The following ANGPT1 variants were observed in gnomAD, a reference collection of about 807,000 sequenced individuals.
ANGPT1 encodes angiopoietin-1.
A neutral mutation model predicts 62.2 loss-of-function variants in ANGPT1; 17 were observed. That is an observed-to-expected ratio of 0.27 (90% CI 0.19 to 0.41). ANGPT1 has a LOEUF of 0.41. Ranked by LOEUF, ANGPT1 falls within the 10% of genes least tolerant of loss-of-function variation. ANGPT1 has a pLI of 1.00. For synonymous variants in ANGPT1, 199 were observed against 198.9 expected, an observed-to-expected ratio of 1.00 and a Z score of 0.00; for missense variants, 478 against 594.9, an observed-to-expected ratio of 0.80 and a Z score of 2.04.
chr8:107,429,929 G>A (rs1217245125), intron 1 of ANGPT1, among the ~76,000 whole-genome samples: 1 of 119,568 alleles, frequency 8.4e-6, no homozygotes, highest in Non-Finnish European at 1.9e-5. Context: ...CACATAGTTG[G>A]GTCAATAAAT....
At chr8:107,372,058 T>C (rs34397043) in intron 1 of ANGPT1, among the ~76,000 whole-genome samples, 12,012 of 152,162 alleles carry the variant, frequency 0.079, 532 homozygotes, top group East Asian at 0.11. Flanking sequence ...TGTTGTATGA[T>C]ATTAGGAGTG....
chr8:107,401,999 C>T (rs540097388), intron 1 of ANGPT1, among the ~76,000 whole-genome samples: 25 of 152,188 alleles, frequency 1.6e-4, no homozygotes, highest in Non-Finnish European at 2.5e-4. Context: ...CTTCCATCCT[C>T]GCCACCTCCA....
intron 1 of ANGPT1, among the ~76,000 whole-genome samples, chr8:107,395,841 T>C (rs1230949604): frequency 6.6e-6 from 1 of 152,182 alleles, no homozygotes; most frequent in African/African-American, 2.4e-5. Context: ...AGATAGGATG[T>C]ACTTCTTCAT....
intron 7 of ANGPT1, among the ~76,000 whole-genome samples, chr8:107,276,943 C>T (rs988838741): frequency 3.9e-5 from 6 of 152,152 alleles, no homozygotes; most frequent in Admixed American, 2.6e-4. Flanking sequence ...CATGTGGAAT[C>T]TTTTCCAGAA....
chr8:107,271,290 A>T (rs1350297007), intron 7 of ANGPT1, among the ~76,000 whole-genome samples: 1 of 152,104 alleles, frequency 6.6e-6, no homozygotes, highest in East Asian at 1.9e-4. Flanking sequence ...AGATTAAATG[A>T]GGTGATACCC....
At chr8:107,382,254 G>T (rs1816652769) in intron 1 of ANGPT1, among the ~76,000 whole-genome samples, 1 of 152,090 alleles carries the variant, frequency 6.6e-6, no homozygotes, top group Admixed American at 6.6e-5. Context: ...TTTTGACACA[G>T]CATTTATAAA....
chr8:107,264,189 CAT>C (rs1358436716), intron 8 of ANGPT1, 30 bp downstream of exon 8: 3 of 1,596,958 alleles, frequency 1.9e-6, no homozygotes, highest in African/African-American at 2.7e-5. Flanking sequence ...ACCAATGAAA[CAT>C]AGCTTAGAGA....
chr8:107,279,747 A>G (rs887172559), intron 7 of ANGPT1, among the ~76,000 whole-genome samples: 4 of 68,432 alleles, frequency 5.8e-5, no homozygotes, highest in Non-Finnish European at 1.5e-4. Context: ...ACACACGTGT[A>G]CACACACACA....
intron 1 of ANGPT1, among the ~76,000 whole-genome samples, chr8:107,420,134 C>T (rs189730338): frequency 9.2e-5 from 14 of 152,180 alleles, no homozygotes; most frequent in African/African-American, 2.6e-4. Flanking sequence ...GCCTATGACT[C>T]CTACAAATTT....
chr8:107,460,290 G>C (rs1379271641), intron 1 of ANGPT1, among the ~76,000 whole-genome samples: 1 of 152,032 alleles, frequency 6.6e-6, no homozygotes, highest in Non-Finnish European at 1.5e-5. Flanking sequence ...TAAGGAGTAG[G>C]GATCAGCTAC....
At chr8:107,452,817 T>C (rs556489441) in intron 1 of ANGPT1, among the ~76,000 whole-genome samples, 6 of 152,194 alleles carry the variant, frequency 3.9e-5, no homozygotes, top group African/African-American at 1.4e-4. Context: ...AGATTAAATA[T>C]ATTTGACACA....
chr8:107,314,751 C>G (rs1289676210), intron 4 of ANGPT1, among the ~76,000 whole-genome samples: 1 of 152,072 alleles, frequency 6.6e-6, no homozygotes, highest in African/African-American at 2.4e-5. Flanking sequence ...CTCTTTCTAC[C>G]TAATCTTAAA....
chr8:107,319,815 C>T (rs1350064598), intron 4 of ANGPT1, among the ~76,000 whole-genome samples: 3 of 151,660 alleles, frequency 2.0e-5, no homozygotes, highest in Non-Finnish European at 4.4e-5. Flanking sequence ...CTTATGAGTT[C>T]TAAAAGTAAC....
At chr8:107,378,529 A>G (rs1041612441) in intron 1 of ANGPT1, among the ~76,000 whole-genome samples, 1 of 152,120 alleles carries the variant, frequency 6.6e-6, no homozygotes, top group African/African-American at 2.4e-5. Flanking sequence ...ACTATACTCT[A>G]TGTACACTGT....
chr8:107,468,292 A>T (rs1812258509), intron 1 of ANGPT1, among the ~76,000 whole-genome samples: 1 of 152,038 alleles, frequency 6.6e-6, no homozygotes, highest in Non-Finnish European at 1.5e-5. Flanking sequence ...ACACTGAGAA[A>T]TGGGGTACTT....
chr8:107,277,114 C>T (rs946989030), intron 7 of ANGPT1, among the ~76,000 whole-genome samples: 4 of 152,070 alleles, frequency 2.6e-5, no homozygotes, highest in Non-Finnish European at 5.9e-5. Context: ...AAATGTTAAA[C>T]ATTATCATTC....
intron 4 of ANGPT1, among the ~76,000 whole-genome samples, chr8:107,309,253 G>T (rs1291271727): frequency 6.6e-6 from 1 of 152,136 alleles, no homozygotes; most frequent in Non-Finnish European, 1.5e-5. Context: ...TGTGGATCAG[G>T]TTATTTGTTC....
chr8:107,488,384 C>A (rs1450006608), intron 1 of ANGPT1, among the ~76,000 whole-genome samples: 1 of 152,122 alleles, frequency 6.6e-6, no homozygotes, highest in Non-Finnish European at 1.5e-5. Flanking sequence ...ATGGGATGCC[C>A]TGCGGAATGC....
chr8:107,321,420 A>C (rs1436951445), intron 4 of ANGPT1, among the ~76,000 whole-genome samples: 1 of 152,150 alleles, frequency 6.6e-6, no homozygotes, highest in Non-Finnish European at 1.5e-5. Flanking sequence ...TGTTTCAAAT[A>C]GTCTGTCTCC....
Sources: allele counts gnomAD v4.1 joint callset (sites outside exome capture counted in the v4.1 genomes callset), GRCh38; gene constraint gnomAD v4.1.1; transcripts MANE v1.5; gene names NCBI Gene and HGNC (gene_info 2026-07-23, HGNC 2026-07-21).